Variants in PRKN observed in about 807,000 individuals in gnomAD.
PRKN encodes the protein E3 ubiquitin-protein ligase parkin.
PRKN carries 56 observed loss-of-function variants against 59.5 expected under a neutral mutation model. The ratio of observed to expected loss-of-function variants is 0.94; its 90% confidence interval spans 0.76 to 1.18. The LOEUF (loss-of-function observed/expected upper bound fraction) is 1.18, where lower values mean the gene tolerates loss of function less well. Ranked by LOEUF, PRKN falls within the 50% of genes most tolerant of loss-of-function variation. PRKN has a pLI of 0.00. For synonymous variants in PRKN, 250 were observed against 222.1 expected (o/e 1.13, Z -1.12); for missense variants, 657 against 596.4 (o/e 1.10, Z -1.06).
rs549070463 is a variant in PRKN at position 162,324,299 on chromosome 6, C to T, written c.172-61534G>A. On this transcript the variant is annotated intron_variant, in intron 2 of 11. Coordinates refer to ENST00000366898, the MANE Select transcript of PRKN (RefSeq NM_004562.3). The stretch of plus-strand genomic sequence containing the variant: ...GGCTGGGAAAGAGTGGGGAAGGTGC[C>T]GCAAAGCAGCACAGAGAACTTCTTG... Among the ~76,000 whole-genome samples, 180 of 151,672 alleles carry T rather than the reference C, an allele frequency of 1.2e-3. 1 individual carries two copies. Among genetic ancestry groups the T allele is most frequent in the African/African-American group, 4.0e-3 (167 of 41,310 alleles).
At chr6:162,147,255 AT>A (rs1347115525) in intron 4 of PRKN, among the ~76,000 whole-genome samples, 2 of 150,440 alleles carry the variant, frequency 1.3e-5, no homozygotes, top group African/African-American at 4.9e-5. Context: ...AGGTGGGAGA[AT>A]CATTTGAACC....
chr6:162,097,820 G>A (rs1289239369), intron 4 of PRKN, among the ~76,000 whole-genome samples: 5 of 152,314 alleles, frequency 3.3e-5, no homozygotes, highest in South Asian at 2.1e-4. Flanking sequence ...ATGTTGACAC[G>A]TGGTTATTTG....
At chr6:162,217,081 C>T (rs1777709487) in intron 3 of PRKN, among the ~76,000 whole-genome samples, 1 of 152,126 alleles carries the variant, frequency 6.6e-6, no homozygotes, top group East Asian at 1.9e-4. Flanking sequence ...ATATGCTCAA[C>T]TAATGCAGCT....
intron 1 of PRKN, among the ~76,000 whole-genome samples, chr6:162,450,344 AT>A (rs1790541509): frequency 1.1e-5 from 1 of 93,748 alleles, no homozygotes; most frequent in Non-Finnish European, 2.7e-5. Context: ...TGTGATTGTA[AT>A]CCCCCTGTGA....
At chr6:161,780,047 A>G (rs1790138405) in intron 7 of PRKN, among the ~76,000 whole-genome samples, 1 of 152,212 alleles carries the variant, frequency 6.6e-6, no homozygotes, top group Non-Finnish European at 1.5e-5. Flanking sequence ...GCCAGTGTAC[A>G]TTGCGTGCCT....
rs377474915 is a variant in PRKN, at chr6:161,449,922, C to T, written c.1084-63045G>A. 1.3e-4 allele frequency among the ~76,000 whole-genome samples: 20 copies of T among 152,298 alleles called. No homozygotes were observed. In the East Asian group the frequency reaches 3.5e-3, roughly 27 times the overall value. On this transcript the variant is annotated intron_variant, in intron 9 of 11. Coordinates refer to ENST00000366898, the MANE Select transcript of PRKN (RefSeq NM_004562.3). ...CTGCCATGACCCCCACACCCACCCA[C>T]GAGACTTTAGCTGTTCCAGAGCCAA...
intron 1 of PRKN, among the ~76,000 whole-genome samples, chr6:162,682,430 G>A (rs1374970089): frequency 6.6e-6 from 1 of 152,092 alleles, no homozygotes; most frequent in Non-Finnish European, 1.5e-5. Flanking sequence ...CCATAAAAAA[G>A]AATGAAATCA....
intron 2 of PRKN, among the ~76,000 whole-genome samples, chr6:162,286,117 A>C (rs1781179515): frequency 6.6e-6 from 1 of 152,192 alleles, no homozygotes; most frequent in Non-Finnish European, 1.5e-5. Flanking sequence ...CAAAATTTTA[A>C]AATGATATCA....
At chr6:161,772,797 A>G (rs755474006) in intron 7 of PRKN, among the ~76,000 whole-genome samples, 12 of 152,188 alleles carry the variant, frequency 7.9e-5, no homozygotes, top group Admixed American at 6.5e-5. Context: ...GAAGACAGCC[A>G]TTATCTAGTG....
At chr6:161,623,792 A>C (rs571851305) in intron 7 of PRKN, among the ~76,000 whole-genome samples, 1 of 152,322 alleles carries the variant, frequency 6.6e-6, no homozygotes, top group South Asian at 2.1e-4. Context: ...ACATAAGTAA[A>C]ACAGAAAACA....
intron 4 of PRKN, among the ~76,000 whole-genome samples, chr6:162,064,733 T>TGTTTTC: frequency 6.6e-6 from 1 of 152,244 alleles, no homozygotes; most frequent in Admixed American, 6.5e-5. Context: ...GAAAAATCTG[T>TGTTTTC]ATTTTCAAAG....
At position 161,385,488 on chromosome 6, in the gene PRKN, G is replaced by C. The variant is rs1345888917; in HGVS notation, c.1167+1306C>G. Among the ~76,000 whole-genome samples the C allele has an allele frequency of 6.6e-6, 1 of 152,186 alleles. No homozygotes were observed. On this transcript the variant is annotated intron_variant, in intron 10 of 11. Transcript: ENST00000366898. This position sits in a 1 kb window ranked among gnomAD's most constrained non-coding sequence, Gnocchi z 4.9. The stretch of plus-strand genomic sequence containing the variant: ...GGCTGGATGGTTCCTCTTGACTGAA[G>C]AATGAATGGGATTAGAGGGAGGGTC...
chr6:161,900,539 TTATAA>T (rs1777853365), intron 6 of PRKN, among the ~76,000 whole-genome samples: 1 of 112,200 alleles, frequency 8.9e-6, no homozygotes, highest in African/African-American at 3.7e-5. Context: ...TTTATATATA[TTATAA>T]TATACATATT....
chr6:162,597,363 T>C (rs1189448560), intron 1 of PRKN, among the ~76,000 whole-genome samples: 2 of 152,212 alleles, frequency 1.3e-5, no homozygotes, highest in African/African-American at 4.8e-5. Flanking sequence ...CTATTTTAGA[T>C]GTATTTTACG....
intron 7 of PRKN, among the ~76,000 whole-genome samples, chr6:161,759,193 TAA>T (rs553438533): frequency 2.5e-3 from 384 of 151,344 alleles, no homozygotes; most frequent in African/African-American, 8.8e-3. Flanking sequence ...AAAACAAAAT[TAA>T]AACAAGAGAT....
intron 1 of PRKN, among the ~76,000 whole-genome samples, chr6:162,493,036 G>A (rs1161567488): frequency 4.0e-5 from 6 of 151,840 alleles, no homozygotes; most frequent in Admixed American, 1.3e-4. Flanking sequence ...CACACCCAAG[G>A]GAGGAGGATG....
intron 6 of PRKN, among the ~76,000 whole-genome samples, chr6:161,969,786 T>C (rs756853079): frequency 1.3e-4 from 20 of 152,216 alleles, no homozygotes; most frequent in Non-Finnish European, 2.5e-4. Flanking sequence ...CATTTTGCCT[T>C]ATAGATTTTC....
rs975033544 is a variant in PRKN at position 161,502,573 on chromosome 6, G to A, written c.1083+46281C>T. 6.6e-6 allele frequency among the ~76,000 whole-genome samples: 1 copy of A among 152,108 alleles called. No individual in the cohort carries two copies. Among genetic ancestry groups the A allele is most frequent in the Non-Finnish European group, 1.5e-5 (1 of 68,034 alleles). On this transcript the variant is annotated intron_variant, in intron 9 of 11. Coordinates refer to ENST00000366898, the MANE Select transcript of PRKN (RefSeq NM_004562.3). The surrounding 1 kb of genome is among the most constrained non-coding windows in gnomAD (Gnocchi z 4.0). Reference sequence around the variant, plus strand: ...GAGCTGTCATTTATGTGCATTGACTGGTAGGGATGAGGATAGTAAGAGTAT... The same window carrying A: ...GAGCTGTCATTTATGTGCATTGACTAGTAGGGATGAGGATAGTAAGAGTAT...
intron 7 of PRKN, among the ~76,000 whole-genome samples, chr6:161,709,970 C>T (rs985861589): frequency 6.6e-6 from 1 of 152,088 alleles, no homozygotes; most frequent in Admixed American, 6.6e-5. Flanking sequence ...TCTTCCTCAA[C>T]AGTCAGTGCT....
Sources: allele counts gnomAD v4.1 joint callset (sites outside exome capture counted in the v4.1 genomes callset), GRCh38; gene constraint gnomAD v4.1.1; non-coding constraint Gnocchi (gnomAD v3.1); transcripts MANE v1.5; gene names NCBI Gene and HGNC (gene_info 2026-07-23, HGNC 2026-07-21).